Variants in AUTS2 observed in about 807,000 individuals in gnomAD.
AUTS2 encodes activator of transcription and developmental regulator AUTS2.
AUTS2 carries 17 observed loss-of-function variants against 112.4 expected under a neutral mutation model. The observed-to-expected ratio is 0.15, with a 90% CI of 0.10 to 0.23. The LOEUF is 0.23. Ranked by LOEUF, AUTS2 falls within the 10% of genes least tolerant of loss-of-function variation. AUTS2 has a pLI of 1.00. For synonymous variants in AUTS2, 751 were observed against 702.7 expected (o/e 1.07, Z -1.09); for missense variants, 1,510 against 1,701.6 (o/e 0.89, Z 1.98).
At chr7:70,556,351 G>A (rs1015178453) in intron 5 of AUTS2, among the ~76,000 whole-genome samples, 1 of 152,074 alleles carries the variant, frequency 6.6e-6, no homozygotes, top group African/African-American at 2.4e-5. Context: ...ATTTAGGCAG[G>A]GACAAATACC....
At chr7:70,264,079 T>C (rs1787295326) in intron 4 of AUTS2, among the ~76,000 whole-genome samples, 1 of 152,258 alleles carries the variant, frequency 6.6e-6, no homozygotes, top group African/African-American at 2.4e-5. Context: ...CTCCTTTCTC[T>C]TCTTCTCAAT....
Position 70,118,135 on chromosome 7 carries a change from A to G in AUTS2, c.526A>G (p.Lys176Glu). 1 of 1,581,166 alleles carries G rather than the reference A, an allele frequency of 6.3e-7. No homozygotes were observed. The highest frequency in any genetic ancestry group is 8.6e-7 in the Non-Finnish European group (1 of 1,169,282). ...TTCTCTTTTCTTTTGCCTTTAGCTC[A>G]AGCCAGGACAGAACAGCTGCAGGGA... The part of the protein sequence containing the change: ...KKMPKALRQL[K>E]PGQNSCRDSD... Residue 176 changes from lysine (K) to glutamate (E), a missense_variant, in exon 3 of 19, where the codon AAG becomes GAG. Physicochemically the swap from Lys to Glu is moderately conservative, Grantham distance 56. Transcript: ENST00000342771.
intron 4 of AUTS2, among the ~76,000 whole-genome samples, chr7:70,285,908 G>C (rs1788435889): frequency 6.6e-6 from 1 of 152,174 alleles, no homozygotes. Flanking sequence ...ATGAAACAAA[G>C]TTTGAATTAC....
chr7:70,315,855 G>A (rs1245598217), intron 4 of AUTS2, among the ~76,000 whole-genome samples: 1 of 152,088 alleles, frequency 6.6e-6, no homozygotes, highest in Non-Finnish European at 1.5e-5. Flanking sequence ...TTAGATTATT[G>A]TTCTGGCATC....
At chr7:70,226,743 G>A (rs1265128874) in intron 4 of AUTS2, among the ~76,000 whole-genome samples, 1 of 152,056 alleles carries the variant, frequency 6.6e-6, no homozygotes. Flanking sequence ...GTTATATGCA[G>A]TATATCATTT....
chr7:70,189,846 G>A (rs578156700), intron 4 of AUTS2, among the ~76,000 whole-genome samples: 1 of 152,012 alleles, frequency 6.6e-6, no homozygotes, highest in Non-Finnish European at 1.5e-5. Flanking sequence ...ATTGACTATC[G>A]TTAGCCACTT....
At chr7:70,186,751 G>A (rs979731959) in intron 4 of AUTS2, among the ~76,000 whole-genome samples, 1 of 152,214 alleles carries the variant, frequency 6.6e-6, no homozygotes, top group African/African-American at 2.4e-5. Flanking sequence ...TGCATTTTTA[G>A]TAGAGATGAG....
At chr7:70,117,099 CTTTTGTTTTTTTTTTTTGTTTTT>C (rs1351546049) in intron 2 of AUTS2, among the ~76,000 whole-genome samples, 2 of 101,402 alleles carry the variant, frequency 2.0e-5, no homozygotes, top group African/African-American at 8.2e-5. Flanking sequence ...CATGAGATGA[CTTTTGTTTTTTTTTTTTGTTTTT>C]TTTTGTTTTT....
chr7:70,599,879 TAGAC>T (rs1226511693), intron 5 of AUTS2, among the ~76,000 whole-genome samples: 2 of 152,200 alleles, frequency 1.3e-5, no homozygotes, highest in Non-Finnish European at 2.9e-5. Flanking sequence ...AGTCTGTCAT[TAGAC>T]AGGGATCTGG....
At chr7:70,336,204 A>G (rs1024303710) in intron 4 of AUTS2, among the ~76,000 whole-genome samples, 5 of 152,214 alleles carry the variant, frequency 3.3e-5, no homozygotes, top group African/African-American at 1.2e-4. Context: ...TTTGTTAAAA[A>G]AATAAAAATA....
chr7:70,223,596 C>T (rs932699917), intron 4 of AUTS2, among the ~76,000 whole-genome samples: 2 of 152,130 alleles, frequency 1.3e-5, no homozygotes, highest in African/African-American at 4.8e-5. Context: ...TATGTATTTA[C>T]TATACTGTAA....
intron 1 of AUTS2, among the ~76,000 whole-genome samples, chr7:69,848,777 A>G (rs1423712134): frequency 1.3e-5 from 2 of 152,108 alleles, no homozygotes; most frequent in Non-Finnish European, 2.9e-5. Flanking sequence ...TAGATAAACT[A>G]TACATCCAGC....
At chr7:69,754,917 G>T (rs534203846) in intron 1 of AUTS2, among the ~76,000 whole-genome samples, 2 of 152,152 alleles carry the variant, frequency 1.3e-5, no homozygotes, top group African/African-American at 4.8e-5. Context: ...CTTTCTGTTC[G>T]CATTACACCA....
intron 2 of AUTS2, among the ~76,000 whole-genome samples, chr7:69,964,098 TATTA>T: frequency 6.6e-6 from 1 of 152,298 alleles, no homozygotes; most frequent in African/African-American, 2.4e-5. Flanking sequence ...TGTGTGTTCT[TATTA>T]ATTCCTACTG....
chr7:70,245,339 A>G (rs191747093), intron 4 of AUTS2, among the ~76,000 whole-genome samples: 91 of 152,060 alleles, frequency 6.0e-4, no homozygotes, highest in African/African-American at 2.0e-3. Context: ...TTTAACTTAC[A>G]ATTAAAGACC....
rs34913092 is a variant in AUTS2 at position 70,212,811 on chromosome 7, T to A, written c.660+78240T>A. Among the ~76,000 whole-genome samples the A allele has an allele frequency of 9.2e-5, 14 of 152,358 alleles. No homozygotes were observed. The East Asian group carries it at 1.9e-3, about 21-fold the overall frequency. On this transcript the variant is annotated intron_variant, in intron 4 of 18. Transcript: ENST00000342771. ...TTATTCTTGTAATTCAGTAATCTTG[T>A]ATCTTTTGCCTTTTTCTTTTTCCTT...
intron 5 of AUTS2, among the ~76,000 whole-genome samples, chr7:70,608,158 C>A (rs929801771): frequency 6.6e-6 from 1 of 152,136 alleles, no homozygotes; most frequent in Non-Finnish European, 1.5e-5. Flanking sequence ...GGATGGACAG[C>A]AATGGCACAG....
chr7:70,355,852 A>T (rs1172601968), intron 4 of AUTS2, among the ~76,000 whole-genome samples: 1 of 152,214 alleles, frequency 6.6e-6, no homozygotes, highest in Non-Finnish European at 1.5e-5. Context: ...TTCTGGAACC[A>T]TGCTGCCTTA....
intron 1 of AUTS2, among the ~76,000 whole-genome samples, chr7:69,738,727 G>A (rs1305611126): frequency 6.6e-6 from 1 of 152,080 alleles, no homozygotes; most frequent in African/African-American, 2.4e-5. Context: ...TGTGGCAGGC[G>A]TGATTGATGC....
Sources: gnomAD v4.1 joint callset for allele counts (sites outside exome capture counted in the v4.1 genomes callset) on GRCh38, gnomAD v4.1.1 for gene constraint, MANE v1.5 for transcripts, NCBI Gene and HGNC (gene_info 2026-07-23, HGNC 2026-07-21) for gene names.